The following CPN2 variants were observed in gnomAD, a reference collection of about 807,000 sequenced individuals.
CPN2 encodes carboxypeptidase N subunit 2.
For synonymous variants in CPN2, 336 were observed against 318.4 expected, an observed-to-expected ratio of 1.06 and a Z score of -0.59; for missense variants, 620 against 671.4, an observed-to-expected ratio of 0.92 and a Z score of 0.85.
Position 194,340,940 on chromosome 3 carries a change from G to C in CPN2, c.*125C>G, listed in dbSNP as rs979236944. On this transcript the variant is annotated 3_prime_UTR_variant, in exon 2 of 2. Transcript: ENST00000323830. ...GACCAGACTCCACCCCCTCACCTTG[G>C]GGATGTAACCCTGTCCCTTGCATGT... The C allele has an allele frequency of 2.2e-6, 3 of 1,389,346 alleles. No homozygotes were observed. In the African/African-American group the frequency reaches 4.4e-5, roughly 20 times the overall value. The allele number at this position is 1,389,346 out of a possible 1,614,324, so 86.1% of individuals were successfully genotyped here. A position where few individuals can be genotyped will look rare whatever the true frequency, so the allele number is the denominator to read the frequency against.
In CPN2 at chr3:194,347,038, G is replaced by A. The variant is rs182403532; in HGVS notation, c.-4+4204C>T. 1.7e-4 allele frequency among the ~76,000 whole-genome samples: 26 copies of A among 152,300 alleles called. No homozygotes were observed. In the East Asian group the frequency reaches 5.0e-3, roughly 29 times the overall value. On this transcript the variant is annotated intron_variant, in intron 1 of 1. Transcript: ENST00000323830. Reference sequence around the variant, plus strand: ...CAGGTCACTGGGGAGCTCTGGAGATGGACGCGCCCCTCCCTGGGAACTGGG... The same window carrying A: ...CAGGTCACTGGGGAGCTCTGGAGATAGACGCGCCCCTCCCTGGGAACTGGG...
intron 1 of CPN2, among the ~76,000 whole-genome samples, chr3:194,343,638 A>G (rs1193392847): frequency 6.6e-6 from 1 of 152,236 alleles, no homozygotes; most frequent in African/African-American, 2.4e-5. Flanking sequence ...TAATTCCATG[A>G]GTTCAAATCT....
chr3:194,349,947 G>A (rs113078139), intron 1 of CPN2, among the ~76,000 whole-genome samples: 8,124 of 151,588 alleles, frequency 0.054, 420 homozygotes, highest in African/African-American at 0.13. Flanking sequence ...GATTACAGGC[G>A]CCTGCCACCA....
intron 1 of CPN2, among the ~76,000 whole-genome samples, chr3:194,344,507 C>A (rs1712980097): frequency 6.6e-6 from 1 of 152,084 alleles, no homozygotes; most frequent in Non-Finnish European, 1.5e-5. Flanking sequence ...TTAGCCTGGC[C>A]AAGATGGTGA....
At position 194,340,783 on chromosome 3, in the gene CPN2, G is replaced by A. The variant is rs1430128772; in HGVS notation, c.*282C>T. ...ATAATGGGGAGGCATCAGGGCTGAG[G>A]ATATTTTATTCTCCAGGCTGTGGTG... On this transcript the variant is annotated 3_prime_UTR_variant, in exon 2 of 2. Transcript: ENST00000323830. The A allele has an allele frequency of 1.2e-5, 5 of 430,052 alleles. No individual in the cohort carries two copies. The highest frequency in any genetic ancestry group is 3.8e-5 in the Admixed American group (1 of 26,500). 26.6% of individuals were successfully genotyped at this position (430,052 alleles called of 1,614,324 possible).
In CPN2 at chr3:194,342,250, G is replaced by T; in HGVS notation, c.453C>A (p.His151Gln). 3 of 1,614,000 alleles carry T rather than the reference G, an allele frequency of 1.9e-6. No homozygotes were observed. The highest frequency in any genetic ancestry group is 2.5e-6 in the Non-Finnish European group (3 of 1,179,944). The stretch of plus-strand genomic sequence containing the variant: ...GGGCCTGGAGCTGGTTCCCCTGCAG[G>T]TGGAGGGACTCCAGGGCAGCCAGGT... Reference protein sequence around the residue: ...FQHLAALESLHLQGNQLQALP... With the variant: ...FQHLAALESLQLQGNQLQALP... The change falls in exon 2 of 2, where the codon CAC becomes CAA. Residue 151 changes from histidine (H) to glutamine (Q), a missense_variant. Transcript: ENST00000323830.
chr3:194,345,003 TA>T (rs891636369), intron 1 of CPN2, among the ~76,000 whole-genome samples: 2 of 152,082 alleles, frequency 1.3e-5, no homozygotes, highest in Non-Finnish European at 2.9e-5. Flanking sequence ...ACAAAACCCC[TA>T]GGGGTCCTGA....
At chr3:194,346,422 G>T (rs1713048743) in intron 1 of CPN2, among the ~76,000 whole-genome samples, 1 of 152,190 alleles carries the variant, frequency 6.6e-6, no homozygotes, top group African/African-American at 2.4e-5. Flanking sequence ...TCTTGCCTGG[G>T]TCTACTGGGG....
intron 1 of CPN2, among the ~76,000 whole-genome samples, chr3:194,346,268 G>A (rs1280362171): frequency 1.3e-5 from 2 of 152,228 alleles, no homozygotes; most frequent in African/African-American, 4.8e-5. Flanking sequence ...AGCCCACGGA[G>A]GCCGGGGTCC....
At chr3:194,350,675 G>C (rs116174361) in intron 1 of CPN2, among the ~76,000 whole-genome samples, 1,732 of 152,188 alleles carry the variant, frequency 0.011, 37 homozygotes, top group African/African-American at 0.039. Context: ...ACGCTTCTGG[G>C]AAGGAAACCA....
Sources: gnomAD v4.1 joint callset for allele counts (sites outside exome capture counted in the v4.1 genomes callset) on GRCh38, gnomAD v4.1.1 for gene constraint, MANE v1.5 for transcripts, NCBI Gene and HGNC (gene_info 2026-07-23, HGNC 2026-07-21) for gene names.